Variants in CDYL observed in about 807,000 individuals in gnomAD.
CDYL encodes the protein chromodomain Y like.
A neutral mutation model predicts 47.3 loss-of-function variants in CDYL; 8 were observed. That is an observed-to-expected ratio of 0.17 (90% CI 0.10 to 0.31). The LOEUF is 0.31. Ranked by LOEUF, CDYL falls within the 10% of genes least tolerant of loss-of-function variation. The pLI is 1.00. For synonymous variants in CDYL, 266 were observed against 265.0 expected, an observed-to-expected ratio of 1.00 and a Z score of -0.04; for missense variants, 471 against 701.4, an observed-to-expected ratio of 0.67 and a Z score of 3.71.
chr6:4,731,702 G>A (rs1757608007), intron 2 of CDYL, among the ~76,000 whole-genome samples: 1 of 152,116 alleles, frequency 6.6e-6, no homozygotes, highest in Non-Finnish European at 1.5e-5. Context: ...AGGAGACTGA[G>A]GCAGGAGAAT....
At chr6:4,936,102 G>A (rs1004988530) in intron 3 of CDYL, among the ~76,000 whole-genome samples, 3 of 152,226 alleles carry the variant, frequency 2.0e-5, no homozygotes, top group African/African-American at 4.8e-5. Flanking sequence ...ATGAAGGCAC[G>A]TGGGAAATGT....
rs200915469 is a variant in CDYL, at chr6:4,916,302, CT to C, written c.692-19207del. The stretch of plus-strand genomic sequence containing the variant: ...AAACCTTCAGGTTTGGAGTGGCCAT[CT>C]TTTTTACAAACTGCATACCTCTAGC... On this transcript the variant is annotated intron_variant, in intron 2 of 6. Transcript: ENST00000397588. Among the ~76,000 whole-genome samples, 15 of 152,294 alleles carry C rather than the reference CT, an allele frequency of 9.8e-5. 1 individual carries two copies. The East Asian group carries it at 1.9e-3, about 20-fold the overall frequency.
At chr6:4,905,278 G>A (rs1446407273) in intron 2 of CDYL, among the ~76,000 whole-genome samples, 1 of 152,086 alleles carries the variant, frequency 6.6e-6, no homozygotes. Flanking sequence ...AATTCTCGTT[G>A]GTCTAAAGGA....
chr6:4,952,500 C>G (rs1758738758), intron 6 of CDYL, 91 bp downstream of exon 6: 1 of 1,417,076 alleles, frequency 7.1e-7, no homozygotes, highest in Non-Finnish European at 9.6e-7. Context: ...ATTCCTAAGT[C>G]CTTTACGTTT....
At chr6:4,813,631 A>G (rs577602811) in intron 1 of CDYL, among the ~76,000 whole-genome samples, 16 of 152,288 alleles carry the variant, frequency 1.1e-4, no homozygotes, top group Middle Eastern at 3.4e-3. Flanking sequence ...ATGTGTGTGT[A>G]TATGTGCACA....
intron 1 of CDYL, among the ~76,000 whole-genome samples, chr6:4,795,940 C>G (rs1759060260): frequency 6.6e-6 from 1 of 151,740 alleles, no homozygotes; most frequent in Admixed American, 6.6e-5. Context: ...GATTTTTTTT[C>G]TGTTTATTTA....
At chr6:4,829,896 A>G (rs1243268729) in intron 1 of CDYL, among the ~76,000 whole-genome samples, 1 of 152,264 alleles carries the variant, frequency 6.6e-6, no homozygotes, top group Non-Finnish European at 1.5e-5. Flanking sequence ...GAGGCACAGC[A>G]AGTACAAGTA....
intron 3 of CDYL, among the ~76,000 whole-genome samples, chr6:4,751,435 A>C (rs909764686): frequency 2.6e-5 from 4 of 152,232 alleles, no homozygotes; most frequent in Admixed American, 2.0e-4. Flanking sequence ...GTCTTTCAAA[A>C]GTGTGAAATT....
At chr6:4,742,180 C>T (rs1422279800) in intron 3 of CDYL, among the ~76,000 whole-genome samples, 1 of 151,848 alleles carries the variant, frequency 6.6e-6, no homozygotes, top group Non-Finnish European at 1.5e-5. Context: ...ATAGTGAAGC[C>T]TCATCTCTAC....
intron 2 of CDYL, among the ~76,000 whole-genome samples, chr6:4,909,837 T>C (rs1050095962): frequency 2.6e-5 from 4 of 151,960 alleles, no homozygotes; most frequent in South Asian, 2.1e-4. Flanking sequence ...CCTCCCAAAG[T>C]GCTGGGATTA....
At chr6:4,804,894 A>G (rs781143130) in intron 1 of CDYL, among the ~76,000 whole-genome samples, 15 of 152,236 alleles carry the variant, frequency 9.9e-5, no homozygotes, top group Non-Finnish European at 1.8e-4. Flanking sequence ...TGGCCCATGT[A>G]GCGCATGCAT....
intron 2 of CDYL, among the ~76,000 whole-genome samples, chr6:4,908,229 C>T (rs1169289890): frequency 6.6e-6 from 1 of 152,186 alleles, no homozygotes; most frequent in African/African-American, 2.4e-5. Context: ...GGGAGCCATT[C>T]AGAACCATAG....
At chr6:4,872,056 G>A (rs1399789458) in intron 1 of CDYL, among the ~76,000 whole-genome samples, 1 of 152,222 alleles carries the variant, frequency 6.6e-6, no homozygotes, top group Non-Finnish European at 1.5e-5. Context: ...GTGTGCGCAA[G>A]TGTATCAGTG....
At chr6:4,842,301 A>G (rs996628695) in intron 1 of CDYL, among the ~76,000 whole-genome samples, 5 of 149,994 alleles carry the variant, frequency 3.3e-5, no homozygotes, top group South Asian at 4.2e-4. Flanking sequence ...TATAAGTTAC[A>G]GTCCATTGTT....
intron 2 of CDYL, among the ~76,000 whole-genome samples, chr6:4,892,856 C>T (rs531373121): frequency 1.0e-3 from 152 of 152,306 alleles, no homozygotes; most frequent in African/African-American, 3.4e-3. Context: ...CTTTGGGAGC[C>T]GGGCTCGTTT....
rs372309339 is a variant in CDYL at position 4,835,787 on chromosome 6, C to A, written c.25-55926C>A. On this transcript the variant is annotated intron_variant, in intron 1 of 6. Coordinates refer to ENST00000397588, the MANE Select transcript of CDYL (RefSeq NM_004824.4). ...CTAAGCAAGCCTGGGCACTGGCCGG[C>A]GTCCCTCTCCCAGCCTCGTTGCCGC... is the stretch of plus-strand genomic sequence containing the variant. Among the ~76,000 whole-genome samples the A allele has an allele frequency of 5.1e-4, 77 of 152,290 alleles. 1 individual carries two copies. Among genetic ancestry groups the A allele is most frequent in the African/African-American group, 1.8e-3 (75 of 41,580 alleles).
chr6:4,860,164 G>A (rs976818132), intron 1 of CDYL, among the ~76,000 whole-genome samples: 2 of 152,082 alleles, frequency 1.3e-5, no homozygotes, highest in African/African-American at 4.8e-5. Flanking sequence ...GCCTCCCAAA[G>A]TGCTGGAATT....
chr6:4,776,767 C>CCAA lies in CDYL; in HGVS notation c.-17_-16insCAA. 1 of 1,230,416 alleles carries CCAA rather than the reference C, an allele frequency of 8.1e-7. No homozygotes were observed. Among genetic ancestry groups the CCAA allele is most frequent in the Non-Finnish European group, 1.0e-6 (1 of 962,184 alleles). The allele number at this position is 1,230,416 out of a possible 1,614,324, so 76.2% of individuals were successfully genotyped here. A position where few individuals can be genotyped will look rare whatever the true frequency, so the allele number is the denominator to read the frequency against. On this transcript the variant is annotated 5_prime_UTR_variant, in exon 1 of 7. Coordinates refer to ENST00000397588, the MANE Select transcript of CDYL (RefSeq NM_004824.4). Reference sequence around the variant, plus strand: ...GCCCCGACCCTGCCCCTCCCGCCCGCAACTCCGCCGCCCACCATGGCTTCC... The same window carrying CCAA: ...GCCCCGACCCTGCCCCTCCCGCCCGCCAAAACTCCGCCGCCCACCATGGCTTCC...
chr6:4,809,926 G>A (rs968027719), intron 1 of CDYL, among the ~76,000 whole-genome samples: 6 of 148,918 alleles, frequency 4.0e-5, no homozygotes, highest in Admixed American at 1.3e-4. Flanking sequence ...TATGGTAGGG[G>A]TATTATATTA....
Sources: allele counts gnomAD v4.1 joint callset (sites outside exome capture counted in the v4.1 genomes callset), GRCh38; gene constraint gnomAD v4.1.1; transcripts MANE v1.5; gene names NCBI Gene and HGNC (gene_info 2026-07-23, HGNC 2026-07-21).